CNTNAP2: variants seen among roughly 807,000 people sequenced by gnomAD.
The protein encoded by CNTNAP2 is contactin associated protein 2, also known as contactin-associated protein-like 2.
CNTNAP2 carries 98 observed loss-of-function variants against 155.2 expected under a neutral mutation model. The observed-to-expected ratio is 0.63, with a 90% CI of 0.54 to 0.75. The LOEUF (loss-of-function observed/expected upper bound fraction) is 0.75. CNTNAP2 is among the 30% of genes least tolerant of loss of function. The pLI, the probability that CNTNAP2 is intolerant of heterozygous loss-of-function variation, is 0.00. For synonymous variants in CNTNAP2, 651 were observed against 631.2 expected (o/e 1.03, Z -0.47); for missense variants, 1,727 against 1,688.1 (o/e 1.02, Z -0.40).
At chr7:146,191,173 G>A (rs889131905) in intron 1 of CNTNAP2, among the ~76,000 whole-genome samples, 3 of 152,076 alleles carry the variant, frequency 2.0e-5, no homozygotes, top group Non-Finnish European at 4.4e-5. Context: ...CTGAGTGTTG[G>A]CTGGTCTGAG....
chr7:147,369,678 A>G (rs902483232), intron 9 of CNTNAP2, among the ~76,000 whole-genome samples: 1 of 152,030 alleles, frequency 6.6e-6, no homozygotes, highest in Non-Finnish European at 1.5e-5. Flanking sequence ...GAGGGAACAT[A>G]CTCCTGTTCC....
intron 10 of CNTNAP2, among the ~76,000 whole-genome samples, chr7:147,453,030 AAGAG>A (rs537899090): frequency 2.0e-5 from 3 of 151,916 alleles, no homozygotes; most frequent in African/African-American, 4.8e-5. Context: ...GAAAGGGAAA[AAGAG>A]AGAAAGGGAA....
chr7:147,797,494 C>A (rs1797916329), intron 13 of CNTNAP2, among the ~76,000 whole-genome samples: 1 of 152,056 alleles, frequency 6.6e-6, no homozygotes, highest in African/African-American at 2.4e-5. Flanking sequence ...TGATAACAAC[C>A]ATCCTCTGCC....
rs537156565 is a variant in CNTNAP2 at position 147,903,612 on chromosome 7, T to C, written c.2146T>C (p.Tyr716His). The C allele has an allele frequency of 1.9e-6, 3 of 1,614,202 alleles. No individual in the cohort carries two copies. In the African/African-American group the frequency reaches 4.0e-5, roughly 22 times the overall value. The change falls in exon 14 of 24, where the codon TAC (tyrosine) becomes CAC (histidine). Residue 716 changes from tyrosine to histidine, a missense_variant. Coordinates refer to ENST00000361727, the MANE Select transcript of CNTNAP2 (RefSeq NM_014141.6). ...GGTTGGCAAAGCCAACGAGAAGCAC[T>C]ACTACTGGGGAGGCTCTGGGCCTGG... ...WWVGKANEKH[Y>H]YWGGSGPGIQ...
chr7:147,541,253 T>C (rs1395782313), intron 11 of CNTNAP2, among the ~76,000 whole-genome samples: 1 of 152,170 alleles, frequency 6.6e-6, no homozygotes, highest in Non-Finnish European at 1.5e-5. Flanking sequence ...ACAGGGGCTA[T>C]AGGCTCAAAT....
intron 1 of CNTNAP2, among the ~76,000 whole-genome samples, chr7:146,695,048 A>T (rs1038505058): frequency 3.3e-5 from 5 of 152,238 alleles, no homozygotes; most frequent in African/African-American, 1.2e-4. Context: ...GGTAGTTTTA[A>T]TTCTTTCTCC....
At chr7:146,867,543 G>A (rs1795230096) in intron 3 of CNTNAP2, among the ~76,000 whole-genome samples, 1 of 152,048 alleles carries the variant, frequency 6.6e-6, no homozygotes. Flanking sequence ...CCTGGTAATG[G>A]GATTGCTGGG....
At chr7:146,408,229 A>G (rs1326780850) in intron 1 of CNTNAP2, among the ~76,000 whole-genome samples, 2 of 152,202 alleles carry the variant, frequency 1.3e-5, no homozygotes, top group African/African-American at 4.8e-5. Context: ...ACCATTAAAA[A>G]TAAGCAATTC....
At chr7:148,068,179 C>A (rs755925505) in intron 15 of CNTNAP2, among the ~76,000 whole-genome samples, 3 of 152,148 alleles carry the variant, frequency 2.0e-5, no homozygotes, top group Non-Finnish European at 4.4e-5. Flanking sequence ...CCACCCCTGC[C>A]CCAGATTGTG....
intron 3 of CNTNAP2, among the ~76,000 whole-genome samples, chr7:146,910,659 A>G (rs1202135121): frequency 1.3e-5 from 2 of 150,510 alleles, no homozygotes; most frequent in South Asian, 2.1e-4. Context: ...TCAATTCAAG[A>G]TGGATCAAAG....
intron 1 of CNTNAP2, among the ~76,000 whole-genome samples, chr7:146,382,476 G>A (rs965757916): frequency 6.6e-6 from 1 of 151,960 alleles, no homozygotes; most frequent in African/African-American, 2.4e-5. Flanking sequence ...TAATTTCTGA[G>A]GTTTTCTGAA....
intron 2 of CNTNAP2, among the ~76,000 whole-genome samples, chr7:146,806,859 A>G (rs1159025737): frequency 1.3e-5 from 2 of 152,202 alleles, no homozygotes; most frequent in Non-Finnish European, 2.9e-5. Context: ...TGTAACCTGA[A>G]TGACTTAGTC....
intron 13 of CNTNAP2, among the ~76,000 whole-genome samples, chr7:147,741,400 C>T (rs745591814): frequency 2.6e-5 from 4 of 152,138 alleles, no homozygotes; most frequent in African/African-American, 7.2e-5. Context: ...ACCTCTTTTG[C>T]TTACATGAGA....
chr7:147,450,979 C>T (rs757794577), intron 10 of CNTNAP2, among the ~76,000 whole-genome samples: 10 of 152,220 alleles, frequency 6.6e-5, no homozygotes, highest in Non-Finnish European at 1.5e-4. Context: ...TAAATCCAGG[C>T]CAGACCCTTA....
intron 1 of CNTNAP2, among the ~76,000 whole-genome samples, chr7:146,641,240 T>G (rs1481856150): frequency 6.6e-6 from 1 of 152,122 alleles, no homozygotes; most frequent in Admixed American, 6.5e-5. Context: ...GGCAGGAGAA[T>G]GGCGTGAACC....
At chr7:147,920,402 G>T (rs1454941348) in intron 14 of CNTNAP2, among the ~76,000 whole-genome samples, 1 of 149,340 alleles carries the variant, frequency 6.7e-6, no homozygotes, top group Non-Finnish European at 1.5e-5. Flanking sequence ...TGATTTTGTG[G>T]CTAACACCCT....
intron 14 of CNTNAP2, among the ~76,000 whole-genome samples, chr7:147,953,801 G>A (rs989542211): frequency 1.8e-4 from 28 of 152,236 alleles, no homozygotes; most frequent in African/African-American, 6.0e-4. Context: ...TAGACACATC[G>A]CTCCAACCTC....
chr7:146,739,401 C>CAGA (rs201311967), intron 1 of CNTNAP2, among the ~76,000 whole-genome samples: 1,530 of 152,054 alleles, frequency 0.01, 18 homozygotes, highest in South Asian at 0.029. Context: ...CATTTTTTCA[C>CAGA]AGACTCATTG....
chr7:147,227,992 AG>A (rs1239164119), intron 8 of CNTNAP2, among the ~76,000 whole-genome samples: 1 of 152,164 alleles, frequency 6.6e-6, no homozygotes, highest in African/African-American at 2.4e-5. Context: ...AGAAGCAGAG[AG>A]TAGAAGCAGA....
Sources: gnomAD v4.1 joint callset for allele counts (sites outside exome capture counted in the v4.1 genomes callset) on GRCh38, gnomAD v4.1.1 for gene constraint, MANE v1.5 for transcripts, NCBI Gene and HGNC (gene_info 2026-07-23, HGNC 2026-07-21) for gene names.